The following TES variants were observed in gnomAD, a reference collection of about 807,000 sequenced individuals.
TES encodes the protein testin LIM domain protein.
Under a neutral mutation model 48.2 loss-of-function variants are expected in TES, and 41 were observed. The observed-to-expected ratio is 0.85, with a 90% confidence interval of 0.66 to 1.10. The LOEUF (loss-of-function observed/expected upper bound fraction) is 1.10, where lower values mean the gene tolerates loss of function less well. Ranked by LOEUF, TES falls within the 50% of genes least tolerant of loss-of-function variation. TES has a pLI of 0.00. For synonymous variants in TES, 162 were observed against 174.9 expected, an observed-to-expected ratio of 0.93 and a Z score of 0.58; for missense variants, 463 against 515.1, an observed-to-expected ratio of 0.90 and a Z score of 0.98.
intron 1 of TES, chr7:116,218,014 T>C (rs779193393): frequency 2.2e-6 from 1 of 456,622 alleles, no homozygotes; most frequent in South Asian, 1.5e-5. Context: ...CCAATTTCTC[T>C]GTTCCTTAGT....
chr7:116,223,574 T>C (rs1799583340), intron 1 of TES, among the ~76,000 whole-genome samples: 1 of 152,166 alleles, frequency 6.6e-6, no homozygotes, highest in Non-Finnish European at 1.5e-5. Flanking sequence ...CAAGTGTGTG[T>C]AACTATATAT....
rs542182615 is a variant in TES at position 116,257,568 on chromosome 7, C to T, written c.*86C>T. On this transcript the variant is annotated 3_prime_UTR_variant, in exon 7 of 7. Transcript: ENST00000358204. Reference sequence around the variant, plus strand: ...AAAATGCAATTTGAAAAAAATAAAACGCAAAAAAAGAAACTGTAAAGGAAA... The same window carrying T: ...AAAATGCAATTTGAAAAAAATAAAATGCAAAAAAAGAAACTGTAAAGGAAA... 7.2e-5 allele frequency: 85 copies of T among 1,181,980 alleles called. No individual in the cohort carries two copies. The African/African-American group carries it at 7.4e-4, about 10-fold the overall frequency. 73.2% of individuals were successfully genotyped at this position (1,181,980 alleles called of 1,614,324 possible).
At chr7:116,241,686 T>A (rs3807977) in intron 2 of TES, among the ~76,000 whole-genome samples, 30,502 of 152,000 alleles carry the variant, frequency 0.2, 3,366 homozygotes, top group East Asian at 0.42. Flanking sequence ...GTATGACTTC[T>A]TAGGTATTTC....
At chr7:116,249,533 G>A (rs1799973988) in intron 3 of TES, 1 of 394,580 alleles carries the variant, frequency 2.5e-6, no homozygotes, top group Non-Finnish European at 4.5e-6. Context: ...GAAATCAGAT[G>A]TTTTATATCA....
chr7:116,232,411 TTAA>T (rs771382364), intron 1 of TES, among the ~76,000 whole-genome samples: 1 of 152,212 alleles, frequency 6.6e-6, no homozygotes, highest in Non-Finnish European at 1.5e-5. Flanking sequence ...TGATTAAGCC[TTAA>T]TAATGTAATC....
At chr7:116,253,838 T>C (rs528379204) in intron 6 of TES, among the ~76,000 whole-genome samples, 1 of 152,048 alleles carries the variant, frequency 6.6e-6, no homozygotes, top group South Asian at 2.1e-4. Context: ...ATGTTCCCAA[T>C]GGTGTGTGTG....
chr7:116,235,176 C>G (rs961322217), intron 2 of TES, among the ~76,000 whole-genome samples: 15 of 152,176 alleles, frequency 9.9e-5, no homozygotes, highest in African/African-American at 3.6e-4. Context: ...GTCTCAAACT[C>G]CTGACCTCAA....
Position 116,248,952 on chromosome 7 carries a change from A to G in TES, c.114-68A>G. 2.8e-6 allele frequency: 4 copies of G among 1,444,894 alleles called. No individual in the cohort carries two copies. In the South Asian group the frequency reaches 4.4e-5, roughly 16 times the overall value. The allele number at this position is 1,444,894 out of a possible 1,614,324, so 89.5% of individuals were successfully genotyped here. ...TAGGCCTAAAAGTATTTTATGAACT[A>G]TAAATGTATGAACATAAATATCAAT... On this transcript the variant is annotated intron_variant, in intron 2 of 6. Coordinates refer to ENST00000358204, the MANE Select transcript of TES (RefSeq NM_015641.4).
At chr7:116,220,919 T>C (rs1442255774) in intron 1 of TES, among the ~76,000 whole-genome samples, 3 of 152,090 alleles carry the variant, frequency 2.0e-5, no homozygotes, top group Non-Finnish European at 4.4e-5. Context: ...AATAAACAAA[T>C]GTGTGGTAAT....
At chr7:116,255,797 A>T (rs1166667652) in intron 6 of TES, among the ~76,000 whole-genome samples, 2 of 152,208 alleles carry the variant, frequency 1.3e-5, no homozygotes, top group African/African-American at 4.8e-5. Context: ...GTTTAAGGAG[A>T]GGGATATCCT....
chr7:116,246,444 T>C (rs907794832), intron 2 of TES, among the ~76,000 whole-genome samples: 1 of 152,258 alleles, frequency 6.6e-6, no homozygotes, highest in Non-Finnish European at 1.5e-5. Flanking sequence ...TTTTATTCCA[T>C]TACCAAAAAG....
chr7:116,249,442 G>C, intron 3 of TES, 170 bp downstream of exon 3: 1 of 789,640 alleles, frequency 1.3e-6, no homozygotes. Context: ...TGTAAGACTA[G>C]ATACTTCATA....
intron 5 of TES, 131 bp from the exon 6 acceptor site, chr7:116,252,187 A>C: frequency 3.7e-6 from 4 of 1,093,934 alleles, no homozygotes; most frequent in Non-Finnish European, 5.1e-6. Context: ...GATTTAGACT[A>C]AACTAAGTGA....
intron 6 of TES, 77 bp downstream of exon 6, chr7:116,252,553 C>A (rs866973315): frequency 1.2e-6 from 2 of 1,604,342 alleles, no homozygotes; most frequent in Admixed American, 1.7e-5. Flanking sequence ...AAGCCTCTTA[C>A]AAATGGGAAA....
chr7:116,254,758 ATGTGTGTGTGTGTGTGTG>A (rs202115399), intron 6 of TES, among the ~76,000 whole-genome samples: 1 of 116,756 alleles, frequency 8.6e-6, no homozygotes, highest in African/African-American at 3.5e-5. Flanking sequence ...ATATATATAT[ATGTGTGTGTGTGTGTGTG>A]TGTGTGTGTG....
chr7:116,251,011 A>G (rs760045789), intron 4 of TES, among the ~76,000 whole-genome samples: 1 of 152,184 alleles, frequency 6.6e-6, no homozygotes, highest in Non-Finnish European at 1.5e-5. Flanking sequence ...GGAGGCAATT[A>G]TGACACAGAT....
intron 2 of TES, chr7:116,239,307 GC>G (rs1799813405): frequency 6.6e-6 from 1 of 152,118 alleles, no homozygotes; most frequent in South Asian, 2.1e-4. Flanking sequence ...GAGTAGGCAC[GC>G]CTGGAAAATC....
chr7:116,228,773 A>T (rs1374210195), intron 1 of TES, among the ~76,000 whole-genome samples: 2 of 152,030 alleles, frequency 1.3e-5, no homozygotes, highest in African/African-American at 2.4e-5. Context: ...CCAAACTAAG[A>T]CACAGTTAAT....
At chr7:116,227,088 T>TTTTA (rs10562977) in intron 1 of TES, among the ~76,000 whole-genome samples, 5,055 of 140,172 alleles carry the variant, frequency 0.036, 113 homozygotes, top group Non-Finnish European at 0.05. Flanking sequence ...ACACTTTTTA[T>TTTTA]TTTATTTATT....
Sources: gnomAD v4.1 joint callset for allele counts (sites outside exome capture counted in the v4.1 genomes callset) on GRCh38, gnomAD v4.1.1 for gene constraint, MANE v1.5 for transcripts, NCBI Gene and HGNC (gene_info 2026-07-23, HGNC 2026-07-21) for gene names.